The following PDE3B variants were observed in gnomAD, a reference collection of about 807,000 sequenced individuals.
The protein encoded by PDE3B is cGMP-inhibited 3',5'-cyclic phosphodiesterase 3B.
In PDE3B, 66 loss-of-function variants were observed where a neutral mutation model predicts 116.8. The observed-to-expected ratio is 0.56, with a 90% confidence interval of 0.46 to 0.69. The LOEUF is 0.69. Ranked by LOEUF, PDE3B falls within the 30% of genes least tolerant of loss-of-function variation. The probability of loss-of-function intolerance (pLI) is 0.00; values close to 1 mark genes in which losing one functional copy is unlikely to be tolerated. For missense variants in PDE3B, 1,384 were observed against 1,368.1 expected, an observed-to-expected ratio of 1.01 and a Z score of -0.18; for synonymous variants, 595 against 533.6, an observed-to-expected ratio of 1.12 and a Z score of -1.59.
chr11:14,717,594 G>A lies in PDE3B; in HGVS notation c.979-54343G>A, dbSNP rs1216270100. Among the ~76,000 whole-genome samples, 5 of 83,764 alleles carry A rather than the reference G, an allele frequency of 6.0e-5. 2 individuals carry two copies. Among genetic ancestry groups the A allele is most frequent in the East Asian group, 7.3e-4 (2 of 2,736 alleles). The allele number at this position is 83,764 out of a possible 152,430, so 55.0% of individuals were successfully genotyped here. On this transcript the variant is annotated intron_variant, in intron 1 of 15. Transcript: ENST00000282096. ...CTCTCGGTAGAAACCCTACAAGCCA[G>A]AAGAGAGTGGGGGCCAATATTCAAC...
rs1180436569 is a variant in PDE3B, at chr11:14,786,628, T to C, written c.1221T>C (p.Phe407=). The C allele has an allele frequency of 6.2e-7, 1 of 1,612,900 alleles. No homozygotes were observed. Among genetic ancestry groups the C allele is most frequent in the Non-Finnish European group, 8.5e-7 (1 of 1,179,072 alleles). ...KINPLTPFPG[F]YPCSEIEDPA... is the part of the protein sequence containing the mutation. ...ATCCTCTCACACCATTTCCTGGATTTTACCCCTGTTCTGAAATAGAGGACC... is the reference window on the plus strand; with the variant it reads ...ATCCTCTCACACCATTTCCTGGATTCTACCCCTGTTCTGAAATAGAGGACC... Residue 407 remains phenylalanine (F), a synonymous_variant, in exon 3 of 16, where the codon TTT becomes TTC. Transcript: ENST00000282096.
At chr11:14,668,186 G>GAGAC in intron 1 of PDE3B, among the ~76,000 whole-genome samples, 1 of 152,118 alleles carries the variant, frequency 6.6e-6, no homozygotes, top group Non-Finnish European at 1.5e-5. Flanking sequence ...TCGACGCTTT[G>GAGAC]AGCATGACAC....
chr11:14,722,761 G>A (rs1043314121), intron 1 of PDE3B, among the ~76,000 whole-genome samples: 1 of 152,170 alleles, frequency 6.6e-6, no homozygotes, highest in South Asian at 2.1e-4. Context: ...ACTCAGCTAA[G>A]CCACTTTCAG....
chr11:14,666,369 A>G (rs1854150591), intron 1 of PDE3B, among the ~76,000 whole-genome samples: 2 of 151,866 alleles, frequency 1.3e-5, no homozygotes, highest in African/African-American at 4.8e-5. Flanking sequence ...GGACATAGGC[A>G]TGGGCAAGGA....
chr11:14,757,269 G>A (rs375508550), intron 1 of PDE3B, among the ~76,000 whole-genome samples: 1 of 149,584 alleles, frequency 6.7e-6, no homozygotes, highest in African/African-American at 2.5e-5. Flanking sequence ...ACATACGTGT[G>A]CATGTGTCTT....
chr11:14,814,927 G>A (rs1006220094), intron 5 of PDE3B, among the ~76,000 whole-genome samples: 7 of 151,064 alleles, frequency 4.6e-5, no homozygotes, highest in Admixed American at 2.0e-4. Flanking sequence ...CTGAGATCAC[G>A]CCACTGTACT....
At chr11:14,673,778 T>C in intron 1 of PDE3B, 1 of 793,134 alleles carries the variant, frequency 1.3e-6, no homozygotes, top group East Asian at 2.4e-5. Context: ...GATGTGGCAC[T>C]CCATACACCT....
chr11:14,853,143 T>A (rs1847788150), intron 12 of PDE3B, among the ~76,000 whole-genome samples: 1 of 152,126 alleles, frequency 6.6e-6, no homozygotes, highest in Admixed American at 6.5e-5. Flanking sequence ...TAGATATCCG[T>A]ATACGCATTT....
the PDE3B span, among the ~76,000 whole-genome samples, chr11:14,889,238 C>G: frequency 6.6e-6 from 1 of 151,108 alleles, no homozygotes; most frequent in South Asian, 2.1e-4. Context: ...TATTTAAGTC[C>G]TAGGTACAAC....
chr11:14,702,262 T>C (rs1429468821), intron 1 of PDE3B, among the ~76,000 whole-genome samples: 1 of 151,850 alleles, frequency 6.6e-6, no homozygotes, highest in Non-Finnish European at 1.5e-5. Flanking sequence ...CTTTGATTCA[T>C]GGGTACAACA....
intron 12 of PDE3B, among the ~76,000 whole-genome samples, chr11:14,849,053 A>C (rs868201613): frequency 3.3e-5 from 5 of 152,026 alleles, no homozygotes; most frequent in African/African-American, 9.7e-5. Flanking sequence ...AAAAGAACAA[A>C]GCTGGAGGCA....
At chr11:14,741,695 A>G (rs536574513) in intron 1 of PDE3B, among the ~76,000 whole-genome samples, 3 of 152,194 alleles carry the variant, frequency 2.0e-5, no homozygotes, top group African/African-American at 7.2e-5. Context: ...GATGGTCTTT[A>G]CAATTTGGTA....
At position 14,830,865 on chromosome 11, in the gene PDE3B, A is replaced by C. The variant is rs1374122931; in HGVS notation, c.1956+19A>C. The C allele has an allele frequency of 2.0e-6, 3 of 1,468,482 alleles. No homozygotes were observed. In the African/African-American group the frequency reaches 4.4e-5, roughly 22 times the overall value. The allele number at this position is 1,468,482 out of a possible 1,614,324, so 91.0% of individuals were successfully genotyped here. On this transcript the variant is annotated intron_variant, in intron 8 of 15. Coordinates refer to ENST00000282096, the MANE Select transcript of PDE3B (RefSeq NM_000922.4). Reference sequence around the variant, plus strand: ...AACAAATGTAAAAGATAAACTTTCAATATGATTATGTTAAGGTGAAATATA... The same window carrying C: ...AACAAATGTAAAAGATAAACTTTCACTATGATTATGTTAAGGTGAAATATA...
At chr11:14,868,185 A>C (rs1384976935) in intron 15 of PDE3B, among the ~76,000 whole-genome samples, 1 of 152,164 alleles carries the variant, frequency 6.6e-6, no homozygotes, top group Non-Finnish European at 1.5e-5. Context: ...TCTTATTCTT[A>C]TTTAATTAAA....
At position 14,789,228 on chromosome 11, in the gene PDE3B, A is replaced by T. The variant is rs1344664582; in HGVS notation, c.1401A>T (p.Glu467Asp). Residue 467 changes from glutamate to aspartate, a missense_variant, in exon 4 of 16, where the codon GAA (glutamate) becomes GAT (aspartate). Coordinates refer to ENST00000282096, the MANE Select transcript of PDE3B (RefSeq NM_000922.4). Reference protein sequence around the residue: ...DRNNGKRPHQEFGISSQGCYL... With the variant: ...DRNNGKRPHQDFGISSQGCYL... Reference sequence around the variant, plus strand: ...ATAATGGCAAAAGACCTCACCAAGAATTTGGCATTTCAAGGTAAAATCTGC... The same window carrying T: ...ATAATGGCAAAAGACCTCACCAAGATTTTGGCATTTCAAGGTAAAATCTGC... 6.2e-7 allele frequency: 1 copy of T among 1,604,932 alleles called. No homozygotes were observed. The highest frequency in any genetic ancestry group is 1.3e-5 in the African/African-American group (1 of 74,398).
chr11:14,700,243 A>G (rs1395893364), intron 1 of PDE3B, among the ~76,000 whole-genome samples: 1 of 151,750 alleles, frequency 6.6e-6, no homozygotes, highest in Admixed American at 6.6e-5. Context: ...GTTTTTATAT[A>G]AAGTGAAGCT....
At chr11:14,736,267 T>C (rs1412590111) in intron 1 of PDE3B, among the ~76,000 whole-genome samples, 1 of 152,048 alleles carries the variant, frequency 6.6e-6, no homozygotes, top group African/African-American at 2.4e-5. Context: ...AAAAAGAGAA[T>C]AGCCTGAACG....
intron 4 of PDE3B, among the ~76,000 whole-genome samples, chr11:14,800,513 C>A (rs191191562): frequency 6.6e-6 from 1 of 152,062 alleles, no homozygotes; most frequent in African/African-American, 2.4e-5. Flanking sequence ...GGGTTTCTGC[C>A]GAGAGAGATC....
chr11:14,798,467 C>T (rs1388842686), intron 4 of PDE3B, among the ~76,000 whole-genome samples: 1 of 152,140 alleles, frequency 6.6e-6, no homozygotes, highest in Non-Finnish European at 1.5e-5. Flanking sequence ...GGGAAGATTT[C>T]CTTTTTTTCT....
Sources: allele counts gnomAD v4.1 joint callset (sites outside exome capture counted in the v4.1 genomes callset), GRCh38; gene constraint gnomAD v4.1.1; transcripts MANE v1.5; gene names NCBI Gene and HGNC (gene_info 2026-07-23, HGNC 2026-07-21).